Variants in NUP107 observed in about 807,000 individuals in gnomAD.
NUP107 encodes nucleoporin 107.
Under a neutral mutation model 141.0 loss-of-function variants are expected in NUP107, and 101 were observed. The observed-to-expected ratio is 0.72, with a 90% CI of 0.61 to 0.84. The LOEUF is 0.84. NUP107 is among the 40% of genes least tolerant of loss of function. The pLI is 0.00. For missense variants in NUP107, 941 were observed against 1,102.7 expected, an observed-to-expected ratio of 0.85 and a Z score of 2.08; for synonymous variants, 319 against 363.9, an observed-to-expected ratio of 0.88 and a Z score of 1.41.
intron 11 of NUP107, chr12:68,714,107 T>C (rs1456455031): frequency 7.9e-6 from 2 of 251,648 alleles, no homozygotes; most frequent in African/African-American, 4.5e-5. Flanking sequence ...GACTGACCTA[T>C]GAAAGCTCTT....
chr12:68,736,024 G>A (rs1878051353), intron 26 of NUP107, among the ~76,000 whole-genome samples: 1 of 152,164 alleles, frequency 6.6e-6, no homozygotes, highest in South Asian at 2.1e-4. Context: ...AGCTGAGATG[G>A]GAGAAAGGAA....
At position 68,743,670 on chromosome 12, in the gene NUP107, T is replaced by G. The variant is rs948445858; in HGVS notation, c.*1208T>G. On this transcript the variant is annotated 3_prime_UTR_variant, in exon 28 of 28. Transcript: ENST00000229179. ...CAGGAGACAACTAAAAGAATGTGAT[T>G]CTAATAGAAAACAGTAATTCCCCAA... 7 of 152,168 alleles carry G rather than the reference T, an allele frequency of 4.6e-5. No homozygotes were observed. Among genetic ancestry groups the G allele is most frequent in the African/African-American group, 1.4e-4 (6 of 41,442 alleles). The allele number at this position is 152,168 out of a possible 1,614,324, so 9.4% of individuals were successfully genotyped here. A position where few individuals can be genotyped will look rare whatever the true frequency, so the allele number is the denominator to read the frequency against.
At chr12:68,702,277 C>G (rs1401678696) in intron 7 of NUP107, among the ~76,000 whole-genome samples, 1 of 151,912 alleles carries the variant, frequency 6.6e-6, no homozygotes, top group African/African-American at 2.4e-5. Context: ...GCGAGAGCCA[C>G]CGTACCTGGC....
At chr12:68,698,429 T>C (rs1179923886) in intron 6 of NUP107, among the ~76,000 whole-genome samples, 1 of 152,244 alleles carries the variant, frequency 6.6e-6, no homozygotes, top group Non-Finnish European at 1.5e-5. Flanking sequence ...TATTGTCATA[T>C]GATCCAGCAA....
chr12:68,731,687 C>G lies in NUP107; in HGVS notation c.1966C>G (p.Leu656Val), dbSNP rs373766106. 1 of 1,582,502 alleles carries G rather than the reference C, an allele frequency of 6.3e-7. No homozygotes were observed. Among genetic ancestry groups the G allele is most frequent in the Non-Finnish European group, 8.5e-7 (1 of 1,170,034 alleles). ...TAATGGTGAATTTAGTCATCATGAC[C>G]TGGCCCCAGCCCTAGATACTGGCAC... ...KDNGEFSHHD[L>V]APALDTGTTE... is the part of the protein sequence containing the mutation. Residue 656 changes from leucine to valine, a missense_variant, in exon 22 of 28, where the codon CTG becomes GTG. Transcript: ENST00000229179.
Position 68,734,747 on chromosome 12 carries a change from A to G in NUP107, c.2302A>G (p.Asn768Asp). Residue 768 changes from asparagine to aspartate, a missense_variant, in exon 25 of 28, where the codon AAT (asparagine) becomes GAT (aspartate). Physicochemically the swap from Asn to Asp is conservative, Grantham distance 23 (BLOSUM62 1). Coordinates refer to ENST00000229179, the MANE Select transcript of NUP107 (RefSeq NM_020401.4). ...CTTTAATGAGTGGTTTAAGCATATG[A>G]ATTCAGTTCCACAAAAACCTGCTTT... ...ETFNEWFKHM[N>D]SVPQKPALIP... The G allele has an allele frequency of 6.2e-7, 1 of 1,613,480 alleles. No individual in the cohort carries two copies. Among genetic ancestry groups the G allele is most frequent in the Non-Finnish European group, 8.5e-7 (1 of 1,179,656 alleles).
Position 68,734,845 on chromosome 12 carries a change from A to G in NUP107, c.2388+12A>G. The G allele has an allele frequency of 1.9e-6, 3 of 1,610,896 alleles. No individual in the cohort carries two copies. The highest frequency in any genetic ancestry group is 2.5e-6 in the Non-Finnish European group (3 of 1,179,050). On this transcript the variant is annotated intron_variant, in intron 25 of 27. Transcript: ENST00000229179. ...AAAAGAAATATGAAGTAAGTTAAAT[A>G]TGGATCTAGGATGTGCCTACTGCAT... is the stretch of plus-strand genomic sequence containing the variant.
At chr12:68,726,406 C>T (rs1877564632) in intron 18 of NUP107, 93 bp from the exon 19 acceptor site, 2 of 763,272 alleles carry the variant, frequency 2.6e-6, no homozygotes, top group East Asian at 2.5e-5. Flanking sequence ...GACTTGAAAG[C>T]ACTATAGGAG....
chr12:68,688,842 G>T (rs1875633307), intron 1 of NUP107, 120 bp from the exon 2 acceptor site: 3 of 577,566 alleles, frequency 5.2e-6, no homozygotes, highest in Admixed American at 7.1e-5. Context: ...CTAAGACTTG[G>T]CTACTAGAAT....
chr12:68,735,149 T>C (rs1878014149), intron 25 of NUP107, 82 bp from the exon 26 acceptor site: 2 of 930,174 alleles, frequency 2.2e-6, no homozygotes, highest in Non-Finnish European at 3.5e-6. Flanking sequence ...ATGTTCTATA[T>C]GTATGTTCCT....
intron 9 of NUP107, 100 bp downstream of exon 9, chr12:68,709,409 A>T (rs1216794026): frequency 1.6e-5 from 10 of 643,658 alleles, no homozygotes; most frequent in Non-Finnish European, 2.1e-5. Flanking sequence ...TGTTTTCTGA[A>T]TTTTTTTTCT....
rs375304505 is a variant in NUP107 at position 68,732,742 on chromosome 12, A to G, written c.2101+3A>G. Reference sequence around the variant, plus strand: ...TGCAATTATGAGAAAATTCTTGGGTATAGTATATTTTTATGCAGCTTCAAA... The same window carrying G: ...TGCAATTATGAGAAAATTCTTGGGTGTAGTATATTTTTATGCAGCTTCAAA... On this transcript the variant is annotated splice_donor_region_variant and intron_variant, in intron 23 of 27. Transcript: ENST00000229179. 8 of 1,586,620 alleles carry G rather than the reference A, an allele frequency of 5.0e-6. No individual in the cohort carries two copies. The highest frequency in any genetic ancestry group is 6.9e-6 in the Non-Finnish European group (8 of 1,157,458).
intron 8 of NUP107, among the ~76,000 whole-genome samples, chr12:68,707,907 G>A (rs1876671715): frequency 6.6e-6 from 1 of 152,238 alleles, no homozygotes; most frequent in African/African-American, 2.4e-5. Context: ...AATCAGCCTG[G>A]CCAACATGGT....
Position 68,713,770 on chromosome 12 carries a change from T to G in NUP107, c.931T>G (p.Ser311Ala), listed in dbSNP as rs1876980318. The change falls in exon 11 of 28, where the codon TCT becomes GCT. Residue 311 changes from serine (S) to alanine (A), a missense_variant. Transcript: ENST00000229179. ...TACCTTAAAACAACGGCAGCTGACT[T>G]CTTACGTTGGAAGTGTTCGTCCGCT... ...LHTLKQRQLT[S>A]YVGSVRPLVT... 1 of 1,608,738 alleles carries G rather than the reference T, an allele frequency of 6.2e-7. No individual in the cohort carries two copies. The highest frequency in any genetic ancestry group is 1.7e-5 in the Admixed American group (1 of 59,326).
At chr12:68,689,774 T>C (rs1174055259) in intron 3 of NUP107, 155 bp downstream of exon 3, 1 of 601,152 alleles carries the variant, frequency 1.7e-6, no homozygotes, top group Non-Finnish European at 2.9e-6. Flanking sequence ...TCTTGCCATG[T>C]ACAAGGTACT....
chr12:68,717,370 A>G (rs1877158877), intron 12 of NUP107, among the ~76,000 whole-genome samples: 1 of 152,108 alleles, frequency 6.6e-6, no homozygotes, highest in Admixed American at 6.6e-5. Context: ...CATACTATAC[A>G]TTCAAGTTTT....
chr12:68,693,086 T>A (rs1305710275), intron 5 of NUP107, among the ~76,000 whole-genome samples: 21 of 135,524 alleles, frequency 1.5e-4, no homozygotes, highest in East Asian at 8.1e-4. Context: ...TATTTATTTA[T>A]TTTTTTTTTT....
intron 2 of NUP107, 132 bp downstream of exon 2, chr12:68,689,185 CAG>C (rs1875655003): frequency 1.7e-6 from 1 of 597,220 alleles, no homozygotes. Flanking sequence ...TTTCACTCCA[CAG>C]AGCTGTCATT....
chr12:68,701,653 TG>T (rs1463958717), intron 7 of NUP107, among the ~76,000 whole-genome samples: 1 of 151,934 alleles, frequency 6.6e-6, no homozygotes, highest in Non-Finnish European at 1.5e-5. Flanking sequence ...CACTCCAGCC[TG>T]GGTGACAGAG....
Sources: gnomAD v4.1 joint callset for allele counts (sites outside exome capture counted in the v4.1 genomes callset) on GRCh38, gnomAD v4.1.1 for gene constraint, MANE v1.5 for transcripts, NCBI Gene and HGNC (gene_info 2026-07-23, HGNC 2026-07-21) for gene names.